Variants in PTPRN2 observed in about 807,000 individuals in gnomAD.
PTPRN2 encodes receptor-type tyrosine-protein phosphatase N2.
In PTPRN2, 74 loss-of-function variants were observed where a neutral mutation model predicts 118.8. The observed-to-expected ratio is 0.62, with a 90% CI of 0.52 to 0.76. PTPRN2 has a LOEUF of 0.76. Among genes scored for constraint, PTPRN2 ranks in the 30% least tolerant of loss-of-function variants. The pLI is 0.00. For synonymous variants in PTPRN2, 641 were observed against 608.0 expected (o/e 1.05, Z -0.80); for missense variants, 1,481 against 1,394.4 (o/e 1.06, Z -0.99).
rs566477068 is a variant in PTPRN2, at chr7:157,793,401, C to T, written c.1788+105272G>A. On this transcript the variant is annotated intron_variant, in intron 12 of 22. Transcript: ENST00000389418. ...CCCCTGTGTACCCTGTGAGTATGCA[C>T]GTTTCTAGAGGTGGAGTTTGACCCT... Among the ~76,000 whole-genome samples, 13 of 151,746 alleles carry T rather than the reference C, an allele frequency of 8.6e-5. 1 individual carries two copies. The highest frequency in any genetic ancestry group is 4.6e-4 in the Admixed American group (7 of 15,286).
intron 2 of PTPRN2, among the ~76,000 whole-genome samples, chr7:158,381,515 T>G (rs1200342111): frequency 1.3e-5 from 2 of 152,326 alleles, no homozygotes; most frequent in Middle Eastern, 3.4e-3. Flanking sequence ...TCCATATTGC[T>G]GTCAGCATTT....
At position 158,310,438 on chromosome 7, in the gene PTPRN2, G is replaced by T. The variant is rs112112718; in HGVS notation, c.277+6381C>A. ...CGGTGGAGAAGAGGCTGTGCTCCTC[G>T]CAGAGTGGTGAGGACCATGGCCGAA... On this transcript the variant is annotated intron_variant, in intron 3 of 22. Transcript: ENST00000389418. Among the ~76,000 whole-genome samples the T allele has an allele frequency of 2.2e-3, 334 of 152,342 alleles. 3 individuals are homozygous for T. Among genetic ancestry groups the T allele is most frequent in the African/African-American group, 7.4e-3 (306 of 41,584 alleles).
intron 3 of PTPRN2, among the ~76,000 whole-genome samples, chr7:158,217,932 G>A (rs1828067547): frequency 6.6e-6 from 1 of 152,144 alleles, no homozygotes; most frequent in Non-Finnish European, 1.5e-5. Context: ...CCTCTGAAAA[G>A]TATGGGATTA....
At chr7:158,177,573 G>A (rs563178660) in intron 5 of PTPRN2, among the ~76,000 whole-genome samples, 5 of 152,222 alleles carry the variant, frequency 3.3e-5, no homozygotes, top group African/African-American at 7.2e-5. Flanking sequence ...AGGCAATCCC[G>A]ACCAGCTTTC....
chr7:158,085,279 C>A (rs1418562029), intron 10 of PTPRN2, among the ~76,000 whole-genome samples: 1 of 132,842 alleles, frequency 7.5e-6, no homozygotes, highest in African/African-American at 3.0e-5. Context: ...CACACAGATA[C>A]CCATCCACAC....
At chr7:158,371,463 T>C (rs1204540855) in intron 2 of PTPRN2, among the ~76,000 whole-genome samples, 2 of 152,144 alleles carry the variant, frequency 1.3e-5, no homozygotes, top group Non-Finnish European at 2.9e-5. Context: ...ATAAAATTCA[T>C]AAAAGAAAAC....
At chr7:158,194,593 C>T (rs1826063157) in intron 4 of PTPRN2, among the ~76,000 whole-genome samples, 1 of 152,228 alleles carries the variant, frequency 6.6e-6, no homozygotes, top group African/African-American at 2.4e-5. Context: ...CTCAGGCCTC[C>T]CTCATAACAG....
intron 14 of PTPRN2, among the ~76,000 whole-genome samples, chr7:157,644,446 G>C (rs1465153460): frequency 6.6e-6 from 1 of 152,210 alleles, no homozygotes; most frequent in African/African-American, 2.4e-5. Flanking sequence ...GAGGTCCACA[G>C]ACCTCACATA....
At chr7:158,040,737 T>C (rs1007856096) in intron 11 of PTPRN2, among the ~76,000 whole-genome samples, 20 of 37,144 alleles carry the variant, frequency 5.4e-4, no homozygotes, top group African/African-American at 2.3e-3. Context: ...TTTTTCTTTC[T>C]TTTTTTTTTT....
intron 11 of PTPRN2, among the ~76,000 whole-genome samples, chr7:157,995,206 G>A (rs918581290): frequency 5.5e-5 from 8 of 145,650 alleles, no homozygotes; most frequent in South Asian, 2.2e-4. Context: ...TAAAATCAAC[G>A]CTGTGTCCAC....
chr7:157,935,402 A>C (rs1799637028), intron 11 of PTPRN2, among the ~76,000 whole-genome samples: 1 of 152,140 alleles, frequency 6.6e-6, no homozygotes, highest in Non-Finnish European at 1.5e-5. Flanking sequence ...ATTCTTCTGC[A>C]GTCTCTGATC....
At chr7:158,440,830 G>C (rs1286118791) in intron 2 of PTPRN2, among the ~76,000 whole-genome samples, 3 of 143,298 alleles carry the variant, frequency 2.1e-5, no homozygotes, top group Admixed American at 1.4e-4. Flanking sequence ...AGTGGTGGTG[G>C]TGGTGATGGC....
Position 157,974,272 on chromosome 7 carries a change from C to T in PTPRN2, c.1724-75535G>A, listed in dbSNP as rs11531434. Among the ~76,000 whole-genome samples, 205 of 152,352 alleles carry T rather than the reference C, an allele frequency of 1.3e-3. 4 individuals carry two copies. In the East Asian group the frequency reaches 0.031, roughly 23 times the overall value. ...CACTAGCATTTTCTCATCTCCAGCACGGTGTCAATGGTGCCACTCCAGCCG... is the reference window on the plus strand; with the variant it reads ...CACTAGCATTTTCTCATCTCCAGCATGGTGTCAATGGTGCCACTCCAGCCG... On this transcript the variant is annotated intron_variant, in intron 11 of 22. Coordinates refer to ENST00000389418, the MANE Select transcript of PTPRN2 (RefSeq NM_002847.5). The surrounding 1 kb of genome is among the most constrained non-coding windows in gnomAD (Gnocchi z 4.0).
intron 2 of PTPRN2, 48 bp downstream of exon 2, chr7:158,489,687 G>A (rs1045054704): frequency 3.9e-6 from 6 of 1,531,630 alleles, no homozygotes; most frequent in Middle Eastern, 2.2e-4. Context: ...CGCACGGCGG[G>A]CAGGAGAGGG....
intron 1 of PTPRN2, among the ~76,000 whole-genome samples, chr7:158,531,524 G>A (rs1193336272): frequency 6.6e-6 from 1 of 152,234 alleles, no homozygotes; most frequent in African/African-American, 2.4e-5. Context: ...TCCCACCTGT[G>A]GGGAAGGCAC....
In PTPRN2 at chr7:158,138,281, G is replaced by A. The variant is rs200101781; in HGVS notation, c.1132+13C>T. 6.2e-7 allele frequency: 1 copy of A among 1,611,010 alleles called. No homozygotes were observed. The highest frequency in any genetic ancestry group is 8.5e-7 in the Non-Finnish European group (1 of 1,179,474). ...GCACCCCTGGGTGTGGGCACCCATG[G>A]CGCTGCAGTCACCTGGAAAGCTGTC... On this transcript the variant is annotated intron_variant, in intron 7 of 22. Transcript: ENST00000389418.
At chr7:158,227,500 C>G (rs563713084) in intron 3 of PTPRN2, among the ~76,000 whole-genome samples, 4 of 152,108 alleles carry the variant, frequency 2.6e-5, no homozygotes, top group Admixed American at 2.6e-4. Context: ...GAGCCCCTGA[C>G]GTGTGACGGG....
chr7:158,295,207 A>C (rs1201783407), intron 3 of PTPRN2, among the ~76,000 whole-genome samples: 1 of 106,814 alleles, frequency 9.4e-6, no homozygotes, highest in African/African-American at 3.8e-5. Context: ...TGAGGGTCTA[A>C]GCCCATGGGG....
At chr7:157,774,117 G>A (rs1046058843) in intron 12 of PTPRN2, among the ~76,000 whole-genome samples, 11 of 152,244 alleles carry the variant, frequency 7.2e-5, no homozygotes, top group Non-Finnish European at 1.0e-4. Flanking sequence ...AGCTGGCTAC[G>A]GATGGGGCTG....
Sources: allele counts gnomAD v4.1 joint callset (sites outside exome capture counted in the v4.1 genomes callset), GRCh38; gene constraint gnomAD v4.1.1; non-coding constraint Gnocchi (gnomAD v3.1); transcripts MANE v1.5; gene names NCBI Gene and HGNC (gene_info 2026-07-23, HGNC 2026-07-21).